The following LDLRAP1 variants were observed in gnomAD, a reference collection of about 807,000 sequenced individuals.
LDLRAP1 encodes low density lipoprotein receptor adaptor protein 1.
In LDLRAP1, 30 loss-of-function variants were observed where a neutral mutation model predicts 37.8. That is an observed-to-expected ratio of 0.79 (90% CI 0.59 to 1.08). LDLRAP1 has a LOEUF of 1.08. LDLRAP1 is among the 50% of genes least tolerant of loss of function. LDLRAP1 has a pLI of 0.00. For missense variants in LDLRAP1, 375 were observed against 401.6 expected (o/e 0.93, Z 0.57); for synonymous variants, 156 against 169.8 (o/e 0.92, Z 0.63).
At chr1:25,582,847 G>A in the LDLRAP1 span, among the ~76,000 whole-genome samples, 15 of 151,992 alleles carry the variant, frequency 9.9e-5, no homozygotes, top group East Asian at 5.9e-4. Flanking sequence ...CGAGGTGGGC[G>A]GATTACCTGA....
intron 4 of LDLRAP1, among the ~76,000 whole-genome samples, chr1:25,559,082 C>G (rs555266425): frequency 3.9e-5 from 6 of 152,340 alleles, no homozygotes; most frequent in Non-Finnish European, 7.3e-5. Flanking sequence ...CTCAGTGTCA[C>G]TGGCCACTTG....
At chr1:25,582,568 A>G in the LDLRAP1 span, among the ~76,000 whole-genome samples, 1 of 146,782 alleles carries the variant, frequency 6.8e-6, no homozygotes, top group African/African-American at 2.6e-5. Context: ...CTGGCGACAG[A>G]GCGAGACCCC....
intron 6 of LDLRAP1, 118 bp downstream of exon 6, chr1:25,563,271 T>A: frequency 1.4e-6 from 1 of 728,558 alleles, no homozygotes; most frequent in Non-Finnish European, 2.3e-6. Context: ...TGTGTTTTGT[T>A]AAATAAATAA....
chr1:25,575,969 C>G, the LDLRAP1 span, among the ~76,000 whole-genome samples: 7 of 152,180 alleles, frequency 4.6e-5, no homozygotes, highest in Admixed American at 3.9e-4. Context: ...TGGCTCACGC[C>G]TGTAATCCCA....
At chr1:25,545,719 C>G (rs376194053) in intron 1 of LDLRAP1, among the ~76,000 whole-genome samples, 1 of 152,300 alleles carries the variant, frequency 6.6e-6, no homozygotes, top group South Asian at 2.1e-4. Context: ...CCCCACCTGT[C>G]CCTCGTGATG....
At chr1:25,559,462 C>T (rs549192449) in intron 4 of LDLRAP1, among the ~76,000 whole-genome samples, 10 of 152,292 alleles carry the variant, frequency 6.6e-5, no homozygotes, top group South Asian at 4.1e-4. Context: ...AGAGCCAGGC[C>T]GCTGCTCAGC....
intron 4 of LDLRAP1, among the ~76,000 whole-genome samples, chr1:25,558,806 C>T (rs1572043537): frequency 1.3e-5 from 2 of 152,328 alleles, no homozygotes; most frequent in Middle Eastern, 6.8e-3. Flanking sequence ...CTGTGTAAGG[C>T]AGCATTCACG....
the LDLRAP1 span, among the ~76,000 whole-genome samples, chr1:25,587,979 AC>A: frequency 0.098 from 14,959 of 151,936 alleles, 1,657 homozygotes; most frequent in East Asian, 0.24. Context: ...CTGTAACCCT[AC>A]CCCCAACCCT....
chr1:25,574,481 G>A, the LDLRAP1 span, among the ~76,000 whole-genome samples: 17 of 152,356 alleles, frequency 1.1e-4, no homozygotes, highest in African/African-American at 3.8e-4. Context: ...TGTTGTCTGA[G>A]CGGGGGGCTT....
At chr1:25,576,103 G>A in the LDLRAP1 span, among the ~76,000 whole-genome samples, 4 of 151,722 alleles carry the variant, frequency 2.6e-5, no homozygotes, top group African/African-American at 9.7e-5. Context: ...ATGGTGGCAT[G>A]TGCCTGTAAT....
the LDLRAP1 span, among the ~76,000 whole-genome samples, chr1:25,579,899 C>T: frequency 1.2e-4 from 19 of 152,166 alleles, no homozygotes; most frequent in Non-Finnish European, 2.2e-4. Flanking sequence ...TCATCATTTC[C>T]CCAAGGGTAT....
intron 3 of LDLRAP1, among the ~76,000 whole-genome samples, chr1:25,556,019 T>G (rs1233950596): frequency 6.6e-6 from 1 of 152,086 alleles, no homozygotes; most frequent in East Asian, 1.9e-4. Context: ...GGATCTAGTT[T>G]GTTGTTACCA....
intron 8 of LDLRAP1, 139 bp from the exon 9 acceptor site, chr1:25,566,707 GGT>G: frequency 9.9e-7 from 1 of 1,006,350 alleles, no homozygotes; most frequent in Non-Finnish European, 1.5e-6. Context: ...TTTGATCTGA[GGT>G]TACTCCACCT....
Position 25,543,694 on chromosome 1 carries a change from G to T in LDLRAP1, c.-5G>T, listed in dbSNP as rs1356169077. The stretch of plus-strand genomic sequence containing the variant: ...CGGCAGCGGCGGCGGCGGCCGGAGC[G>T]GGCCATGGACGCGCTCAAGTCGGCG... On this transcript the variant is annotated 5_prime_UTR_variant, in exon 1 of 9. Coordinates refer to ENST00000374338, the MANE Select transcript of LDLRAP1 (RefSeq NM_015627.3). 3 of 1,214,436 alleles carry T rather than the reference G, an allele frequency of 2.5e-6. No homozygotes were observed. The highest frequency in any genetic ancestry group is 3.1e-6 in the Non-Finnish European group (3 of 976,836). 75.2% of individuals were successfully genotyped at this position (1,214,436 alleles called of 1,614,324 possible).
intron 4 of LDLRAP1, among the ~76,000 whole-genome samples, chr1:25,561,183 C>T (rs1185569025): frequency 6.6e-6 from 1 of 152,160 alleles, no homozygotes. Context: ...GGTAATTAGC[C>T]CATATTTTTA....
chr1:25,553,548 C>A, intron 1 of LDLRAP1: 1 of 295,968 alleles, frequency 3.4e-6, no homozygotes, highest in Non-Finnish European at 6.6e-6. Flanking sequence ...AAAGCTTTAG[C>A]CCTTTATTAA....
the LDLRAP1 span, among the ~76,000 whole-genome samples, chr1:25,582,838 G>A: frequency 2.6e-5 from 4 of 151,950 alleles, no homozygotes; most frequent in South Asian, 4.1e-4. Flanking sequence ...TTGGGAGGCC[G>A]AGGTGGGCGG....
chr1:25,574,023 G>T, the LDLRAP1 span, among the ~76,000 whole-genome samples: 3 of 152,230 alleles, frequency 2.0e-5, no homozygotes, highest in Non-Finnish European at 4.4e-5. Flanking sequence ...AGGGCGGTGG[G>T]GGGAAGGGGA....
the LDLRAP1 span, among the ~76,000 whole-genome samples, chr1:25,580,446 G>C: frequency 5.3e-5 from 8 of 152,154 alleles, no homozygotes; most frequent in Non-Finnish European, 1.0e-4. Context: ...CCAAAAGCTA[G>C]AAATTATTCA....
Sources: allele counts gnomAD v4.1 joint callset (sites outside exome capture counted in the v4.1 genomes callset), GRCh38; gene constraint gnomAD v4.1.1; transcripts MANE v1.5; gene names NCBI Gene and HGNC (gene_info 2026-07-23, HGNC 2026-07-21).